Variants in KCNMA1 observed in about 807,000 individuals in gnomAD.
The protein encoded by KCNMA1 is potassium calcium-activated channel subfamily M alpha 1, also known as Calcium-activated potassium channel subunit alpha-1.
A neutral mutation model predicts 140.0 loss-of-function variants in KCNMA1; 29 were observed. The ratio of observed to expected loss-of-function variants is 0.21; its 90% CI spans 0.15 to 0.28. The LOEUF is 0.28. Among genes scored for constraint, KCNMA1 ranks in the 10% least tolerant of loss-of-function variants. KCNMA1 has a pLI of 1.00. For synonymous variants in KCNMA1, 612 were observed against 611.9 expected (o/e 1.00, Z 0.00); for missense variants, 880 against 1,602.2 (o/e 0.55, Z 7.70).
chr10:77,466,695 G>T (rs2098024348), intron 1 of KCNMA1, among the ~76,000 whole-genome samples: 1 of 152,196 alleles, frequency 6.6e-6, no homozygotes, highest in African/African-American at 2.4e-5. Context: ...GCTCTAGTGA[G>T]AGAGTAAGGA....
intron 2 of KCNMA1, among the ~76,000 whole-genome samples, chr10:77,337,594 T>TG (rs1201195523): frequency 6.6e-6 from 1 of 152,198 alleles, no homozygotes; most frequent in Non-Finnish European, 1.5e-5. Context: ...CACTCCAGCC[T>TG]GGGTGACAGA....
chr10:77,294,710 G>A (rs1004092126), intron 2 of KCNMA1, among the ~76,000 whole-genome samples: 5 of 152,278 alleles, frequency 3.3e-5, no homozygotes, highest in African/African-American at 1.2e-4. Context: ...TCTGAGGTCA[G>A]GAGTTCGAGG....
intron 2 of KCNMA1, among the ~76,000 whole-genome samples, chr10:77,271,722 A>T (rs1470842816): frequency 6.6e-6 from 1 of 152,130 alleles, no homozygotes; most frequent in Non-Finnish European, 1.5e-5. Flanking sequence ...GCCTTACTGG[A>T]AGATGCAAAA....
At chr10:77,636,881 G>A in intron 1 of KCNMA1, 21 of 1,427,708 alleles carry the variant, frequency 1.5e-5, no homozygotes, top group Non-Finnish European at 1.7e-5. Context: ...GGTGAGCGGT[G>A]CAAAACACGC....
chr10:77,115,447 T>C (rs969272364), intron 6 of KCNMA1, among the ~76,000 whole-genome samples: 2 of 152,156 alleles, frequency 1.3e-5, no homozygotes, highest in Non-Finnish European at 2.9e-5. Context: ...AAGAAATAGA[T>C]GAAGAACTGA....
chr10:77,539,874 T>A (rs2059785631), intron 1 of KCNMA1, among the ~76,000 whole-genome samples: 1 of 152,088 alleles, frequency 6.6e-6, no homozygotes, highest in African/African-American at 2.4e-5. Context: ...ATGGTACATC[T>A]AAAAAAATAA....
rs150775109 is a variant in KCNMA1 at position 77,283,197 on chromosome 10, C to T, written c.541-31941G>A. On this transcript the variant is annotated intron_variant, in intron 2 of 27. Transcript: ENST00000286628. ...TGCACAGGCTGTGTTGCAGAATAGT[C>T]AGTAAATGTCCATTTTCTTTCTTCA... Among the ~76,000 whole-genome samples, 209 of 152,338 alleles carry T rather than the reference C, an allele frequency of 1.4e-3. 1 individual carries two copies. The highest frequency in any genetic ancestry group is 4.9e-3 in the African/African-American group (204 of 41,578).
rs554651959 is a variant in KCNMA1, at chr10:77,559,446, G to A, written c.378+77819C>T. ...AATGCTTTGAATATCCTCCCCACACGGGCCCAGTCAATGGTGCTGCACCTT... is the reference window on the plus strand; with the variant it reads ...AATGCTTTGAATATCCTCCCCACACAGGCCCAGTCAATGGTGCTGCACCTT... On this transcript the variant is annotated intron_variant, in intron 1 of 27. Transcript: ENST00000286628. Among the ~76,000 whole-genome samples, 14 of 152,230 alleles carry A rather than the reference G, an allele frequency of 9.2e-5. No individual in the cohort carries two copies. The South Asian group carries it at 2.1e-3, about 23-fold the overall frequency.
At position 77,338,302 on chromosome 10, in the gene KCNMA1, A is replaced by G. The variant is rs373246496; in HGVS notation, c.540+65560T>C. ...TTTTATATACCCATCTCCCGCCCTC[A>G]TGCCTTCTGGAAATGGTGCTAAGTA... On this transcript the variant is annotated intron_variant, in intron 2 of 27. Coordinates refer to ENST00000286628, the MANE Select transcript of KCNMA1 (RefSeq NM_001161352.2). Among the ~76,000 whole-genome samples the G allele has an allele frequency of 4.1e-3, 627 of 152,152 alleles. 7 individuals carry two copies. The highest frequency in any genetic ancestry group is 0.015 in the African/African-American group (606 of 41,494).
intron 3 of KCNMA1, among the ~76,000 whole-genome samples, chr10:77,225,628 T>A (rs1565336910): frequency 6.6e-6 from 1 of 152,102 alleles, no homozygotes; most frequent in African/African-American, 2.4e-5. Context: ...CATGGGAAAC[T>A]CCTGCGGCTG....
intron 1 of KCNMA1, among the ~76,000 whole-genome samples, chr10:77,533,571 C>A (rs1240790662): frequency 1.3e-5 from 2 of 152,152 alleles, no homozygotes; most frequent in Non-Finnish European, 2.9e-5. Context: ...CCGCATCCCA[C>A]CACTCTTCCC....
chr10:77,129,965 ACT>A (rs1315734586), intron 5 of KCNMA1, among the ~76,000 whole-genome samples: 1 of 152,136 alleles, frequency 6.6e-6, no homozygotes. Flanking sequence ...TCCCTTACAG[ACT>A]CTGCACCCAT....
At chr10:77,009,904 AATTT>A (rs2090287117) in intron 18 of KCNMA1, among the ~76,000 whole-genome samples, 1 of 152,028 alleles carries the variant, frequency 6.6e-6, no homozygotes, top group African/African-American at 2.4e-5. Flanking sequence ...GCTATCTCTG[AATTT>A]ATTTATTTAC....
chr10:77,188,296 G>T (rs1677950061), intron 3 of KCNMA1, among the ~76,000 whole-genome samples: 1 of 151,950 alleles, frequency 6.6e-6, no homozygotes, highest in South Asian at 2.1e-4. Context: ...AAAAAAAAGT[G>T]GAGTTTTATG....
chr10:77,538,976 A>G (rs973778115), intron 1 of KCNMA1, among the ~76,000 whole-genome samples: 1 of 152,204 alleles, frequency 6.6e-6, no homozygotes, highest in Admixed American at 6.5e-5. Flanking sequence ...CCTGCTGAGC[A>G]GTAACCTGTC....
intron 5 of KCNMA1, among the ~76,000 whole-genome samples, chr10:77,175,590 T>C (rs763729804): frequency 2.6e-5 from 4 of 152,206 alleles, no homozygotes; most frequent in Admixed American, 6.5e-5. Context: ...AGGCTGCGTA[T>C]GGTGCTCCTA....
At chr10:77,470,131 G>A (rs2098119329) in intron 1 of KCNMA1, among the ~76,000 whole-genome samples, 1 of 152,080 alleles carries the variant, frequency 6.6e-6, no homozygotes, top group Non-Finnish European at 1.5e-5. Context: ...GGCTGAGGAG[G>A]AAACCCCAGG....
At chr10:77,253,328 A>G (rs1395434717) in intron 2 of KCNMA1, among the ~76,000 whole-genome samples, 1 of 152,242 alleles carries the variant, frequency 6.6e-6, no homozygotes, top group African/African-American at 2.4e-5. Flanking sequence ...AGCTGGCTAT[A>G]TAGGCCTATG....
At chr10:76,935,130 C>A (rs2060220770) in intron 23 of KCNMA1, among the ~76,000 whole-genome samples, 2 of 152,188 alleles carry the variant, frequency 1.3e-5, no homozygotes, top group Non-Finnish European at 1.5e-5. Context: ...GCAAGAAAGA[C>A]TGAAGCCAAC....
Sources: gnomAD v4.1 joint callset for allele counts (sites outside exome capture counted in the v4.1 genomes callset) on GRCh38, gnomAD v4.1.1 for gene constraint, MANE v1.5 for transcripts, NCBI Gene and HGNC (gene_info 2026-07-23, HGNC 2026-07-21) for gene names.